Variants in DCLK3 observed in about 807,000 individuals in gnomAD.
DCLK3 encodes the protein serine/threonine-protein kinase DCLK3.
DCLK3 carries 30 observed loss-of-function variants against 46.4 expected under a neutral mutation model. The ratio of observed to expected loss-of-function variants is 0.65; its 90% CI spans 0.48 to 0.88. The LOEUF (loss-of-function observed/expected upper bound fraction) is 0.88. Ranked by LOEUF, DCLK3 falls within the 40% of genes least tolerant of loss-of-function variation. The probability of loss-of-function intolerance (pLI) is 0.00; values close to 1 mark genes in which losing one functional copy is unlikely to be tolerated. For missense variants in DCLK3, 846 were observed against 907.1 expected, an observed-to-expected ratio of 0.93 and a Z score of 0.87; for synonymous variants, 401 against 339.2, an observed-to-expected ratio of 1.18 and a Z score of -2.00.
rs1347529882 is a variant in DCLK3, at chr3:36,721,620, C to A, written c.1999G>T (p.Ala667Ser). The change falls in exon 3 of 5, where the codon GCT becomes TCT. Residue 667 changes from alanine to serine, a missense_variant. This residue lies in a region of DCLK3 where 247 missense variants were observed against 322.8 expected (regional missense o/e 0.77). Coordinates refer to ENST00000636136, the MANE Select transcript of DCLK3 (RefSeq NM_001394672.2). ...ACATGCTTTGCAAGTCCAAAATCAG[C>A]CAATTTCAAGGTAGTAGATTTGTCC... ...NEDKSTTLKL[A>S]DFGLAKHVVR... 1 of 1,614,134 alleles carries A rather than the reference C, an allele frequency of 6.2e-7. No individual in the cohort carries two copies. The highest frequency in any genetic ancestry group is 1.7e-5 in the Admixed American group (1 of 60,022).
At position 36,759,569 on chromosome 3, in the gene DCLK3, C is replaced by T. The variant is rs143034373; in HGVS notation, c.82+4613G>A. Among the ~76,000 whole-genome samples the T allele has an allele frequency of 3.9e-5, 6 of 152,290 alleles. No individual in the cohort carries two copies. The East Asian group carries it at 1.2e-3, about 29-fold the overall frequency. On this transcript the variant is annotated intron_variant, in intron 1 of 4. Coordinates refer to ENST00000636136, the MANE Select transcript of DCLK3 (RefSeq NM_001394672.2). The stretch of plus-strand genomic sequence containing the variant: ...GTTACTGCAGCAAAGCTTAGAAAAC[C>T]CTCCTGACTAATACACTTCATGAAC...
In DCLK3 at chr3:36,759,498, A is replaced by G. The variant is rs111894665; in HGVS notation, c.82+4684T>C. On this transcript the variant is annotated intron_variant, in intron 1 of 4. Coordinates refer to ENST00000636136, the MANE Select transcript of DCLK3 (RefSeq NM_001394672.2). ...GTGAGGGACACACATTGTGTGTGAG[A>G]AGTAACCTTCGTTGAGTTAAACTAC... Among the ~76,000 whole-genome samples, 831 of 151,552 alleles carry G rather than the reference A, an allele frequency of 5.5e-3. 10 individuals carry two copies. The highest frequency in any genetic ancestry group is 0.02 in the African/African-American group (798 of 40,846).
chr3:36,738,506 G>A lies in DCLK3; in HGVS notation c.661C>T (p.His221Tyr). 1 of 1,508,102 alleles carries A rather than the reference G, an allele frequency of 6.6e-7. No homozygotes were observed. Among genetic ancestry groups the A allele is most frequent in the Non-Finnish European group, 8.9e-7 (1 of 1,128,520 alleles). The allele number at this position is 1,508,102 out of a possible 1,614,324, so 93.4% of individuals were successfully genotyped here. The part of the protein sequence containing the change: ...RLFSKALKGD[H>Y]RCGETETPKS... ...GGGGTCTCGGTCTCCCCACAGCGGT[G>A]GTCTCCTTTCAGAGCCTTGCTAAAC... The change falls in exon 2 of 5, where the codon CAC (histidine) becomes TAC (tyrosine). Residue 221 changes from histidine (H) to tyrosine (Y), a missense_variant. Coordinates refer to ENST00000636136, the MANE Select transcript of DCLK3 (RefSeq NM_001394672.2).
intron 2 of DCLK3, among the ~76,000 whole-genome samples, chr3:36,722,529 G>A (rs958739829): frequency 6.6e-6 from 1 of 152,140 alleles, no homozygotes; most frequent in Non-Finnish European, 1.5e-5. Context: ...TGGTTTGGCT[G>A]TGTCCCTACC....
intron 1 of DCLK3, among the ~76,000 whole-genome samples, chr3:36,758,554 A>G (rs1366176973): frequency 6.6e-6 from 1 of 152,176 alleles, no homozygotes; most frequent in African/African-American, 2.4e-5. Context: ...CACAAGGTCC[A>G]TCCCCTTTGG....
intron 2 of DCLK3, among the ~76,000 whole-genome samples, chr3:36,734,269 C>T (rs1365120017): frequency 6.6e-6 from 1 of 152,116 alleles, no homozygotes. Flanking sequence ...GTCTGAAAAA[C>T]CAAAAAGCGC....
intron 1 of DCLK3, among the ~76,000 whole-genome samples, chr3:36,754,036 TGTCTTTGGAAAATA>T (rs1401253894): frequency 6.6e-6 from 1 of 152,210 alleles, no homozygotes; most frequent in Non-Finnish European, 1.5e-5. Context: ...TGTTACAGAA[TGTCTTTGGAAAATA>T]TAATCTTCAA....
chr3:36,715,663 G>T, intron 4 of DCLK3, 142 bp from the exon 5 acceptor site: 1 of 765,388 alleles, frequency 1.3e-6, no homozygotes, highest in Non-Finnish European at 1.9e-6. Context: ...GAGCAGCACA[G>T]TCCAATAGAA....
chr3:36,761,287 C>A (rs1237058312), intron 1 of DCLK3, among the ~76,000 whole-genome samples: 1 of 152,186 alleles, frequency 6.6e-6, no homozygotes, highest in Non-Finnish European at 1.5e-5. Flanking sequence ...CTTTGACCAT[C>A]AAAGAACACT....
At position 36,737,005 on chromosome 3, in the gene DCLK3, T is replaced by C. The variant is rs949096712; in HGVS notation, c.1959+203A>G. Among the ~76,000 whole-genome samples, 7 of 152,200 alleles carry C rather than the reference T, an allele frequency of 4.6e-5. No homozygotes were observed. Among genetic ancestry groups the C allele is most frequent in the Non-Finnish European group, 8.8e-5 (6 of 68,032 alleles). On this transcript the variant is annotated intron_variant, in intron 2 of 4. Transcript: ENST00000636136. The surrounding 1 kb of genome is among the most constrained non-coding windows in gnomAD (Gnocchi z 4.4). ...ATTTTATTTAAATTGGAAGGTTTCTTTTTCTGTAAGTTAATCAAAACTAAT... is the reference window on the plus strand; with the variant it reads ...ATTTTATTTAAATTGGAAGGTTTCTCTTTCTGTAAGTTAATCAAAACTAAT...
At chr3:36,729,820 A>G (rs1016057313) in intron 2 of DCLK3, 2 of 152,234 alleles carry the variant, frequency 1.3e-5, no homozygotes, top group Admixed American at 6.5e-5. Context: ...ATGATCTTAG[A>G]AACCAATTCA....
At chr3:36,744,859 G>A (rs1053617324) in intron 1 of DCLK3, among the ~76,000 whole-genome samples, 1 of 152,206 alleles carries the variant, frequency 6.6e-6, no homozygotes, top group Non-Finnish European at 1.5e-5. Context: ...GTCTGCTGGG[G>A]AGATAAACGG....
chr3:36,712,619 C>A lies in DCLK3; in HGVS notation c.*2709G>T, dbSNP rs918348580. 2.6e-5 allele frequency: 4 copies of A among 152,192 alleles called. No homozygotes were observed. The highest frequency in any genetic ancestry group is 2.6e-4 in the Admixed American group (4 of 15,286). The allele number at this position is 152,192 out of a possible 1,614,324, so 9.4% of individuals were successfully genotyped here. On this transcript the variant is annotated 3_prime_UTR_variant, in exon 5 of 5. Transcript: ENST00000636136. Reference sequence around the variant, plus strand: ...CTGTCCCTCCTCTCCCCATTTCCATCTCCAGCAAACCCCCTGATCACTTTC... The same window carrying A: ...CTGTCCCTCCTCTCCCCATTTCCATATCCAGCAAACCCCCTGATCACTTTC...
In DCLK3 at chr3:36,738,739, A is replaced by C; in HGVS notation, c.428T>G (p.Val143Gly). 1.5e-6 allele frequency: 2 copies of C among 1,308,926 alleles called. No homozygotes were observed. The highest frequency in any genetic ancestry group is 2.0e-6 in the Non-Finnish European group (2 of 1,023,730). The allele number at this position is 1,308,926 out of a possible 1,614,324, so 81.1% of individuals were successfully genotyped here. A position where few individuals can be genotyped will look rare whatever the true frequency, so the allele number is the denominator to read the frequency against. The change falls in exon 2 of 5, where the codon GTG (valine) becomes GGG (glycine). Residue 143 changes from valine (V) to glycine (G), a missense_variant. Transcript: ENST00000636136. ...GCCCTTGAGGTTAAACAGTTTCCTC[A>C]CACGGTCATTCTTCCATCTGGGAGA... Reference protein sequence around the residue: ...LGSPRWKNDRVRKLFNLKGRE... With the variant: ...LGSPRWKNDRGRKLFNLKGRE...
At chr3:36,763,369 G>A (rs1288760238) in intron 1 of DCLK3, among the ~76,000 whole-genome samples, 1 of 152,332 alleles carries the variant, frequency 6.6e-6, no homozygotes, top group Non-Finnish European at 1.5e-5. Flanking sequence ...GTCCCCAGAC[G>A]CCTCTGCCAA....
intron 2 of DCLK3, among the ~76,000 whole-genome samples, chr3:36,731,043 G>A (rs1432561211): frequency 6.6e-6 from 1 of 152,052 alleles, no homozygotes; most frequent in Non-Finnish European, 1.5e-5. Flanking sequence ...AATGACCTTG[G>A]CTTTTATTCT....
intron 1 of DCLK3, among the ~76,000 whole-genome samples, chr3:36,758,597 A>T (rs983614830): frequency 1.3e-5 from 2 of 152,218 alleles, no homozygotes; most frequent in African/African-American, 2.4e-5. Flanking sequence ...ATAAGCCTTC[A>T]CCACACATTA....
intron 1 of DCLK3, among the ~76,000 whole-genome samples, chr3:36,762,524 A>T (rs1319356138): frequency 6.6e-6 from 1 of 152,202 alleles, no homozygotes; most frequent in Non-Finnish European, 1.5e-5. Flanking sequence ...GAAACAAAGG[A>T]TGTCATGCTT....
rs557950238 is a variant in DCLK3, at chr3:36,761,616, G to T, written c.82+2566C>A. ...AGACATTATCAAGAGGCCACCAAAG[G>T]AAAAGGTGAGGAAACTCAGGATGCC... On this transcript the variant is annotated intron_variant, in intron 1 of 4. Coordinates refer to ENST00000636136, the MANE Select transcript of DCLK3 (RefSeq NM_001394672.2). Among the ~76,000 whole-genome samples the T allele has an allele frequency of 1.1e-4, 17 of 152,302 alleles. No homozygotes were observed. In the South Asian group the frequency reaches 1.7e-3, roughly 15 times the overall value.
Sources: allele counts gnomAD v4.1 joint callset (sites outside exome capture counted in the v4.1 genomes callset), GRCh38; gene constraint gnomAD v4.1.1; regional missense constraint gnomAD v4.1.1; non-coding constraint Gnocchi (gnomAD v3.1); transcripts MANE v1.5; gene names NCBI Gene and HGNC (gene_info 2026-07-23, HGNC 2026-07-21).